The following ANKFN1 variants were observed in gnomAD, a reference collection of about 807,000 sequenced individuals.
ANKFN1 encodes the protein ankyrin repeat and fibronectin type III domain containing 1, also known as ankyrin repeat and fibronectin type-III domain-containing protein 1.
ANKFN1 carries 74 observed loss-of-function variants against 108.7 expected under a neutral mutation model. The ratio of observed to expected loss-of-function variants is 0.68; its 90% CI spans 0.56 to 0.83. ANKFN1 has a LOEUF of 0.83. ANKFN1 is among the 40% of genes least tolerant of loss of function. The probability of loss-of-function intolerance (pLI) is 0.00; values close to 1 mark genes in which losing one functional copy is unlikely to be tolerated. For synonymous variants in ANKFN1, 547 were observed against 516.2 expected, an observed-to-expected ratio of 1.06 and a Z score of -0.81; for missense variants, 1,505 against 1,382.3, an observed-to-expected ratio of 1.09 and a Z score of -1.41.
intron 3 of ANKFN1, among the ~76,000 whole-genome samples, chr17:56,236,865 T>C (rs371975384): frequency 5.9e-5 from 9 of 152,206 alleles, no homozygotes; most frequent in East Asian, 3.8e-4. Context: ...TCAAGGGAAA[T>C]GCTTCCAGCT....
chr17:56,278,938 A>AT (rs914900042), intron 3 of ANKFN1, among the ~76,000 whole-genome samples: 25 of 150,628 alleles, frequency 1.7e-4, no homozygotes, highest in East Asian at 5.8e-4. Flanking sequence ...TTTAGTGTGG[A>AT]TTTTTTTTTT....
chr17:56,329,801 C>A (rs151140684), intron 4 of ANKFN1, among the ~76,000 whole-genome samples: 1 of 152,134 alleles, frequency 6.6e-6, no homozygotes, highest in African/African-American at 2.4e-5. Flanking sequence ...GGAACTGAGG[C>A]CTTCAAGAAG....
chr17:56,314,195 G>T (rs1242872666), intron 3 of ANKFN1, among the ~76,000 whole-genome samples: 3 of 152,074 alleles, frequency 2.0e-5, no homozygotes, highest in African/African-American at 7.2e-5. Context: ...TGATATTTGG[G>T]CTATTTCCAG....
intron 20 of ANKFN1, among the ~76,000 whole-genome samples, chr17:56,501,219 C>G (rs2051358262): frequency 6.6e-6 from 1 of 152,176 alleles, no homozygotes; most frequent in Admixed American, 6.5e-5. Context: ...GAGAGCAAGA[C>G]AGAAGCCAGA....
chr17:56,208,330 G>A (rs1285308930), intron 1 of ANKFN1, among the ~76,000 whole-genome samples: 1 of 152,124 alleles, frequency 6.6e-6, no homozygotes, highest in Admixed American at 6.5e-5. Flanking sequence ...CGTTAGACAA[G>A]GTTTCTCAAT....
At chr17:56,305,643 G>T (rs1489044228) in intron 3 of ANKFN1, among the ~76,000 whole-genome samples, 1 of 152,186 alleles carries the variant, frequency 6.6e-6, no homozygotes, top group Non-Finnish European at 1.5e-5. Flanking sequence ...GTAAGTTCAT[G>T]TTGTTAAAGT....
At chr17:56,291,511 T>C (rs2044364056) in intron 3 of ANKFN1, among the ~76,000 whole-genome samples, 1 of 152,194 alleles carries the variant, frequency 6.6e-6, no homozygotes, top group African/African-American at 2.4e-5. Flanking sequence ...CCTTATGGTA[T>C]TATTTATTTA....
intron 3 of ANKFN1, among the ~76,000 whole-genome samples, chr17:56,265,204 A>G (rs182109089): frequency 1.2e-4 from 18 of 152,306 alleles, no homozygotes; most frequent in Non-Finnish European, 2.2e-4. Flanking sequence ...TGCTCTAAAG[A>G]TACTACCTGA....
intron 4 of ANKFN1, among the ~76,000 whole-genome samples, chr17:56,147,928 T>C (rs543943383): frequency 1.3e-5 from 2 of 152,312 alleles, no homozygotes; most frequent in East Asian, 3.9e-4. Context: ...CTCTGCTGGA[T>C]CCTTCTTCTC....
chr17:56,191,728 TTCTCTGTA>T (rs1349836584), intron 1 of ANKFN1, among the ~76,000 whole-genome samples: 1 of 147,328 alleles, frequency 6.8e-6, no homozygotes, highest in Non-Finnish European at 1.5e-5. Context: ...CTTTGTGGCG[TTCTCTGTA>T]TTTCCTGAAT....
At chr17:56,416,425 T>C (rs555956845) in intron 8 of ANKFN1, among the ~76,000 whole-genome samples, 5 of 152,156 alleles carry the variant, frequency 3.3e-5, no homozygotes, top group African/African-American at 1.2e-4. Context: ...AAAGAAGACA[T>C]ACAAATGAAA....
At chr17:56,090,250 G>A (rs9905066) in intron 4 of ANKFN1, among the ~76,000 whole-genome samples, 1,908 of 151,272 alleles carry the variant, frequency 0.013, 92 homozygotes, top group African/African-American at 0.044. Context: ...CGGGTAAGTC[G>A]TTAAGTTTCC....
chr17:56,421,782 G>C (rs1327301761), intron 8 of ANKFN1, among the ~76,000 whole-genome samples: 5 of 152,066 alleles, frequency 3.3e-5, no homozygotes, highest in Non-Finnish European at 7.4e-5. Flanking sequence ...GTGAAATACC[G>C]CCTCATTTTA....
chr17:56,198,704 G>A (rs1322168155), intron 1 of ANKFN1, among the ~76,000 whole-genome samples: 2 of 151,790 alleles, frequency 1.3e-5, no homozygotes, highest in Admixed American at 6.6e-5. Flanking sequence ...TATTTATAAC[G>A]CCTTTTCTTA....
chr17:56,304,816 G>A (rs1217749346), intron 3 of ANKFN1, among the ~76,000 whole-genome samples: 1 of 152,072 alleles, frequency 6.6e-6, no homozygotes, highest in Non-Finnish European at 1.5e-5. Context: ...TAAAATGCTT[G>A]TTGCATTTTT....
At chr17:56,321,518 A>G (rs2045367167) in intron 3 of ANKFN1, among the ~76,000 whole-genome samples, 2 of 152,106 alleles carry the variant, frequency 1.3e-5, no homozygotes, top group Admixed American at 6.6e-5. Flanking sequence ...GAAAATAGCC[A>G]TCAAAAAGTG....
intron 4 of ANKFN1, among the ~76,000 whole-genome samples, chr17:56,341,039 C>G (rs990066505): frequency 6.6e-6 from 1 of 151,886 alleles, no homozygotes; most frequent in Non-Finnish European, 1.5e-5. Flanking sequence ...AGCAGAATTC[C>G]TAGGTATTTT....
chr17:56,390,441 CTA>C (rs1272405943), intron 8 of ANKFN1, among the ~76,000 whole-genome samples: 1 of 152,146 alleles, frequency 6.6e-6, no homozygotes, highest in East Asian at 1.9e-4. Flanking sequence ...TTTATCCATT[CTA>C]TCATTGATGG....
chr17:56,350,956 A>T lies in ANKFN1; in HGVS notation c.379A>T (p.Lys127Ter). The T allele has an allele frequency of 1.9e-6, 3 of 1,613,610 alleles. No individual in the cohort carries two copies. The highest frequency in any genetic ancestry group is 2.5e-6 in the Non-Finnish European group (3 of 1,179,788). Residue 127 changes from lysine (K) to a stop codon, truncating the protein, a stop_gained, in exon 5 of 21, where the codon AAG (lysine) becomes TAG (stop). Transcript: ENST00000682825. LOFTEE classifies it high-confidence loss of function. ...RTRTDRLSLR[K>*]TSVNFQGNEA... ...AAGAACTGATCGGCTGAGTCTCAGGAAGACCTCGGTGGTAACAAAACTGTT... is the reference window on the plus strand; with the variant it reads ...AAGAACTGATCGGCTGAGTCTCAGGTAGACCTCGGTGGTAACAAAACTGTT...
Sources: allele counts gnomAD v4.1 joint callset (sites outside exome capture counted in the v4.1 genomes callset), GRCh38; gene constraint gnomAD v4.1.1; transcripts MANE v1.5; gene names NCBI Gene and HGNC (gene_info 2026-07-23, HGNC 2026-07-21).